Variants in CR1 observed in about 807,000 individuals in gnomAD.
The protein encoded by CR1 is complement C3b/C4b receptor 1 (Knops blood group), also known as complement receptor type 1.
In CR1, 116 loss-of-function variants were observed where a neutral mutation model predicts 187.3. The ratio of observed to expected loss-of-function variants is 0.62; its 90% CI spans 0.53 to 0.72. The LOEUF (loss-of-function observed/expected upper bound fraction) is 0.72, where lower values mean the gene tolerates loss of function less well. Ranked by LOEUF, CR1 falls within the 30% of genes least tolerant of loss-of-function variation. The probability of loss-of-function intolerance (pLI) is 0.00; values close to 1 mark genes in which losing one functional copy is unlikely to be tolerated. For synonymous variants in CR1, 576 were observed against 747.1 expected (o/e 0.77, Z 3.73); for missense variants, 1,731 against 2,110.7 (o/e 0.82, Z 3.52).
At chr1:207,595,540 G>A (rs1474214089) in intron 35 of CR1, among the ~76,000 whole-genome samples, 1 of 152,052 alleles carries the variant, frequency 6.6e-6, no homozygotes, top group Admixed American at 6.6e-5. Context: ...GTAACACTAA[G>A]TAGTAGAAGT....
chr1:207,566,690 TAA>T (rs1484410244), intron 24 of CR1, among the ~76,000 whole-genome samples: 26 of 150,228 alleles, frequency 1.7e-4, no homozygotes, highest in African/African-American at 6.6e-4. Context: ...TCATAAATAA[TAA>T]GTCATTTTTT....
Position 207,506,702 on chromosome 1 carries a change from T to G in CR1, c.302-12T>G, listed in dbSNP as rs1300890074. 6.2e-7 allele frequency: 1 copy of G among 1,612,394 alleles called. No homozygotes were observed. The highest frequency in any genetic ancestry group is 8.5e-7 in the Non-Finnish European group (1 of 1,178,662). On this transcript the variant is annotated splice_polypyrimidine_tract_variant and intron_variant, in intron 2 of 46. Transcript: ENST00000367049. Reference sequence around the variant, plus strand: ...CTCTACTTGGCTCCAAAATTCTGTTTCTTTCCTGTAGGTAAATCATGTCGT... The same window carrying G: ...CTCTACTTGGCTCCAAAATTCTGTTGCTTTCCTGTAGGTAAATCATGTCGT...
chr1:207,566,493 C>T (rs1367673926), intron 24 of CR1, among the ~76,000 whole-genome samples: 2 of 150,042 alleles, frequency 1.3e-5, no homozygotes, highest in Admixed American at 6.6e-5. Flanking sequence ...GATGAATTCC[C>T]TGTCCCCATG....
intron 4 of CR1, among the ~76,000 whole-genome samples, chr1:207,514,727 G>T (rs749972682): frequency 1.3e-5 from 2 of 152,044 alleles, no homozygotes; most frequent in Non-Finnish European, 2.9e-5. Context: ...ATATTTTAGA[G>T]ATAAGACTAT....
intron 3 of CR1, among the ~76,000 whole-genome samples, chr1:207,510,496 C>T (rs1476361070): frequency 6.6e-6 from 1 of 152,162 alleles, no homozygotes; most frequent in African/African-American, 2.4e-5. Flanking sequence ...ATAGTACTAT[C>T]AAGTTTGACC....
At chr1:207,520,187 C>T (rs1245366661) in intron 4 of CR1, among the ~76,000 whole-genome samples, 2 of 152,162 alleles carry the variant, frequency 1.3e-5, no homozygotes, top group Admixed American at 6.5e-5. Context: ...CCCTTAATGC[C>T]CTTTCTAGTT....
At chr1:207,592,404 C>CT (rs1661297379) in intron 35 of CR1, among the ~76,000 whole-genome samples, 1 of 152,154 alleles carries the variant, frequency 6.6e-6, no homozygotes, top group Admixed American at 6.5e-5. Flanking sequence ...GCCCTTCATG[C>CT]TAAAAACTCT....
chr1:207,636,326 T>C (rs892194589), intron 46 of CR1, among the ~76,000 whole-genome samples: 8 of 152,178 alleles, frequency 5.3e-5, no homozygotes, highest in Non-Finnish European at 1.2e-4. Context: ...GCTTTTGATG[T>C]TTCAAAAATT....
intron 5 of CR1, 57 bp downstream of exon 5, chr1:207,524,066 C>A (rs1660088535): frequency 9.3e-6 from 15 of 1,611,474 alleles, no homozygotes; most frequent in Non-Finnish European, 1.3e-5. Flanking sequence ...GCTGTTGGAT[C>A]AGGAGATTAG....
At chr1:207,597,194 A>T (rs1308361620) in intron 35 of CR1, among the ~76,000 whole-genome samples, 1 of 151,916 alleles carries the variant, frequency 6.6e-6, no homozygotes, top group Non-Finnish European at 1.5e-5. Context: ...TACAGTGCTG[A>T]GTTCCAACCC....
chr1:207,636,440 G>A (rs56159430), intron 46 of CR1, among the ~76,000 whole-genome samples: 2 of 151,752 alleles, frequency 1.3e-5, no homozygotes, highest in African/African-American at 2.4e-5. Flanking sequence ...TAAACTTGGG[G>A]TGTAATACAA....
At chr1:207,518,744 C>T (rs1326147342) in intron 4 of CR1, among the ~76,000 whole-genome samples, 1 of 152,160 alleles carries the variant, frequency 6.6e-6, no homozygotes, top group African/African-American at 2.4e-5. Flanking sequence ...TCTTCTGTCT[C>T]CTATAAAGAC....
rs372388379 is a variant in CR1 at position 207,618,083 on chromosome 1, C to T, written c.6902C>T (p.Pro2301Leu). 7 of 1,612,888 alleles carry T rather than the reference C, an allele frequency of 4.3e-6. No homozygotes were observed. In the African/African-American group the frequency reaches 9.3e-5, roughly 22 times the overall value. Residue 2301 changes from proline (P) to leucine (L), a missense_variant, in exon 42 of 47, where the codon CCA becomes CTA. This residue lies in a region of CR1 where 1,312 missense variants were observed against 1,379.6 expected (regional missense o/e 0.95). Coordinates refer to ENST00000367049, the MANE Select transcript of CR1 (RefSeq NM_000651.6). ...AACTTGTTCTTAGCCTGCCCACATCCACCCAAGATCCAAAACGGGCATTAC... is the reference window on the plus strand; with the variant it reads ...AACTTGTTCTTAGCCTGCCCACATCTACCCAAGATCCAAAACGGGCATTAC... ...ELSVPAACPH[P>L]PKIQNGHYIG...
intron 37 of CR1, among the ~76,000 whole-genome samples, chr1:207,610,143 C>G (rs779330477): frequency 1.3e-5 from 2 of 151,994 alleles, no homozygotes; most frequent in African/African-American, 2.4e-5. Context: ...ATCAAAAAGG[C>G]CTTGGACTTC....
In CR1 at chr1:207,616,822, T is replaced by C. The variant is rs1448689915; in HGVS notation, c.6889+20T>C. The C allele has an allele frequency of 1.9e-6, 3 of 1,612,820 alleles. No individual in the cohort carries two copies. The highest frequency in any genetic ancestry group is 3.3e-5 in the Admixed American group (2 of 59,894). On this transcript the variant is annotated intron_variant, in intron 41 of 46. Transcript: ENST00000367049. Reference sequence around the variant, plus strand: ...CTGCTGGTTAGTACCTGCTTCCACATATCCTAAATGGGTTCAGAATATCTA... The same window carrying C: ...CTGCTGGTTAGTACCTGCTTCCACACATCCTAAATGGGTTCAGAATATCTA...
intron 46 of CR1, among the ~76,000 whole-genome samples, chr1:207,637,013 G>A (rs993437368): frequency 6.6e-6 from 1 of 152,190 alleles, no homozygotes; most frequent in African/African-American, 2.4e-5. Context: ...CTGGAATTTA[G>A]GTTGATAGTA....
chr1:207,520,036 A>G (rs1452904271), intron 4 of CR1, among the ~76,000 whole-genome samples: 2 of 152,232 alleles, frequency 1.3e-5, no homozygotes. Flanking sequence ...CATATATTCT[A>G]TATTTCAAAG....
At chr1:207,574,505 A>G (rs1660674527) in intron 27 of CR1, among the ~76,000 whole-genome samples, 1 of 152,186 alleles carries the variant, frequency 6.6e-6, no homozygotes, top group East Asian at 1.9e-4. Context: ...TTTAAAAAGG[A>G]GAATGATGAA....
At chr1:207,605,257 C>CAAA (rs200443731) in intron 35 of CR1, among the ~76,000 whole-genome samples, 1 of 81,374 alleles carries the variant, frequency 1.2e-5, no homozygotes, top group Non-Finnish European at 2.4e-5. Flanking sequence ...CAGACCCTGT[C>CAAA]AAAAAAAAAA....
Sources: gnomAD v4.1 joint callset for allele counts (sites outside exome capture counted in the v4.1 genomes callset) on GRCh38, gnomAD v4.1.1 for gene constraint, gnomAD v4.1.1 regional missense constraint, MANE v1.5 for transcripts, NCBI Gene and HGNC (gene_info 2026-07-23, HGNC 2026-07-21) for gene names.